The following TJP1 variants were observed in gnomAD, a reference collection of about 807,000 sequenced individuals.
The protein encoded by TJP1 is tight junction protein ZO-1.
TJP1 carries 43 observed loss-of-function variants against 194.2 expected under a neutral mutation model. That is an observed-to-expected ratio of 0.22 (90% confidence interval 0.17 to 0.29). TJP1 has a LOEUF of 0.29. Among genes scored for constraint, TJP1 ranks in the 10% least tolerant of loss-of-function variants. TJP1 has a pLI of 1.00. For synonymous variants in TJP1, 801 were observed against 779.0 expected (o/e 1.03, Z -0.47); for missense variants, 1,971 against 2,185.7 (o/e 0.90, Z 1.96).
intron 2 of TJP1, among the ~76,000 whole-genome samples, chr15:29,951,367 C>A (rs958314824): frequency 4.6e-5 from 7 of 151,978 alleles, no homozygotes; most frequent in African/African-American, 1.7e-4. Flanking sequence ...AGGGTTTTAC[C>A]AGGTTGACCA....
chr15:29,711,311 TAAGA>T (rs1263619708), intron 23 of TJP1, among the ~76,000 whole-genome samples: 2 of 152,212 alleles, frequency 1.3e-5, no homozygotes, highest in East Asian at 3.8e-4. Context: ...TTGACAGATT[TAAGA>T]AAGTCTTGCA....
intron 2 of TJP1, among the ~76,000 whole-genome samples, chr15:29,785,756 T>C (rs1231188021): frequency 6.6e-6 from 1 of 152,230 alleles, no homozygotes; most frequent in Non-Finnish European, 1.5e-5. Flanking sequence ...GAACATTCAA[T>C]GGAACCTGTT....
At chr15:29,873,739 A>G (rs567447810) in intron 2 of TJP1, among the ~76,000 whole-genome samples, 28 of 152,102 alleles carry the variant, frequency 1.8e-4, no homozygotes, top group African/African-American at 6.5e-4. Context: ...GGCCTTTGGG[A>G]TTTCTTAGGG....
intron 1 of TJP1, among the ~76,000 whole-genome samples, chr15:29,807,682 AAG>A: frequency 1.3e-5 from 2 of 152,186 alleles, no homozygotes; most frequent in African/African-American, 4.8e-5. Context: ...AAACAGAATA[AAG>A]ACAGTAACAA....
chr15:29,803,544 T>C (rs931380173), intron 1 of TJP1, among the ~76,000 whole-genome samples: 1 of 152,166 alleles, frequency 6.6e-6, no homozygotes, highest in African/African-American at 2.4e-5. Flanking sequence ...TTACGATGAG[T>C]TTAATCAGGA....
At chr15:29,810,111 A>G (rs1444006889) in intron 1 of TJP1, among the ~76,000 whole-genome samples, 1 of 152,186 alleles carries the variant, frequency 6.6e-6, no homozygotes, top group African/African-American at 2.4e-5. Flanking sequence ...TCAGTGCTCA[A>G]AAAGTACTGG....
At chr15:29,803,278 A>G (rs1168837160) in intron 1 of TJP1, among the ~76,000 whole-genome samples, 1 of 152,222 alleles carries the variant, frequency 6.6e-6, no homozygotes, top group East Asian at 1.9e-4. Flanking sequence ...TCCCTGACTT[A>G]GGATGGGTCA....
chr15:29,778,919 G>A (rs1477369178), intron 2 of TJP1, among the ~76,000 whole-genome samples: 2 of 152,044 alleles, frequency 1.3e-5, no homozygotes, highest in Non-Finnish European at 2.9e-5. Flanking sequence ...AAGTAGCCTC[G>A]GTTAGCAAGG....
At chr15:29,723,964 G>A (rs1227077333) in intron 18 of TJP1, among the ~76,000 whole-genome samples, 1 of 152,174 alleles carries the variant, frequency 6.6e-6, no homozygotes, top group Non-Finnish European at 1.5e-5. Flanking sequence ...TGAAGGATCT[G>A]GAATCCAGGA....
At chr15:29,959,481 G>A (rs2056077148) in intron 1 of TJP1, among the ~76,000 whole-genome samples, 1 of 151,922 alleles carries the variant, frequency 6.6e-6, no homozygotes. Flanking sequence ...ACTTACATTT[G>A]TATTGGAAAA....
chr15:29,909,018 G>A (rs1249188845), intron 2 of TJP1, among the ~76,000 whole-genome samples: 2 of 151,958 alleles, frequency 1.3e-5, no homozygotes, highest in African/African-American at 2.4e-5. Context: ...TTATCCGGGT[G>A]TGGTGGTGGG....
intron 2 of TJP1, among the ~76,000 whole-genome samples, chr15:29,798,064 A>G (rs1266982381): frequency 2.6e-5 from 4 of 152,060 alleles, no homozygotes; most frequent in African/African-American, 4.8e-5. Context: ...ACCTCCATCT[A>G]CTGGGTTCAA....
At chr15:29,759,977 C>G (rs1482444724) in intron 8 of TJP1, 1 of 476,934 alleles carries the variant, frequency 2.1e-6, no homozygotes, top group African/African-American at 2.0e-5. Context: ...GGATATGTAC[C>G]CAGAAGTGGA....
At chr15:29,807,412 A>G (rs1381376066) in intron 1 of TJP1, among the ~76,000 whole-genome samples, 1 of 152,232 alleles carries the variant, frequency 6.6e-6, no homozygotes, top group Non-Finnish European at 1.5e-5. Context: ...TCAAGTTATC[A>G]AAAATAAAAC....
intron 27 of TJP1, among the ~76,000 whole-genome samples, chr15:29,703,220 GCGGGTGGATCACTTT>G (rs1340049233): frequency 6.6e-6 from 1 of 152,148 alleles, no homozygotes; most frequent in African/African-American, 2.4e-5. Context: ...GGAGGCCGAG[GCGGGTGGATCACTTT>G]AAGTCAGGAG....
chr15:29,815,812 C>T (rs1226006274), intron 1 of TJP1, among the ~76,000 whole-genome samples: 1 of 152,108 alleles, frequency 6.6e-6, no homozygotes, highest in Admixed American at 6.5e-5. Context: ...ACAGAGTTTA[C>T]ATTTGGTCTC....
intron 18 of TJP1, among the ~76,000 whole-genome samples, chr15:29,722,872 G>A (rs1056902985): frequency 3.9e-5 from 6 of 152,176 alleles, no homozygotes; most frequent in Admixed American, 1.3e-4. Context: ...TGGAGTCAAC[G>A]GAGATTATTT....
intron 2 of TJP1, among the ~76,000 whole-genome samples, chr15:29,916,112 G>A (rs1009831934): frequency 6.6e-6 from 1 of 151,968 alleles, no homozygotes; most frequent in Admixed American, 6.6e-5. Context: ...GGGCGTGGTG[G>A]CAGGCACCTG....
chr15:29,808,353 G>A (rs1158000237), intron 1 of TJP1, among the ~76,000 whole-genome samples: 2 of 152,190 alleles, frequency 1.3e-5, no homozygotes, highest in African/African-American at 2.4e-5. Context: ...GAAGTAACTC[G>A]AAGGGATGGA....
Sources: gnomAD v4.1 joint callset for allele counts (sites outside exome capture counted in the v4.1 genomes callset) on GRCh38, gnomAD v4.1.1 for gene constraint, MANE v1.5 for transcripts, NCBI Gene and HGNC (gene_info 2026-07-23, HGNC 2026-07-21) for gene names.